RPL35A: variants seen among roughly 807,000 people sequenced by gnomAD.
RPL35A encodes ribosomal protein L35a, also known as large ribosomal subunit protein eL33.
A neutral mutation model predicts 16.7 loss-of-function variants in RPL35A; 1 was observed. The ratio of observed to expected loss-of-function variants is 0.06; its 90% CI spans 0.02 to 0.28. The LOEUF (loss-of-function observed/expected upper bound fraction) is 0.28, where lower values mean the gene tolerates loss of function less well. RPL35A is among the 10% of genes least tolerant of loss of function. The pLI is 1.00. For missense variants in RPL35A, 91 were observed against 138.7 expected (o/e 0.66, Z 1.73); for synonymous variants, 58 against 47.0 (o/e 1.23, Z -0.96).
intron 3 of RPL35A, chr3:197,951,607 C>T (rs996934894): frequency 1.0e-5 from 4 of 391,652 alleles, no homozygotes; most frequent in Non-Finnish European, 1.4e-5. Flanking sequence ...CCCACCTCGG[C>T]CTCCCAAAGT....
At chr3:197,954,543 T>G in intron 4 of RPL35A, 1 of 325,336 alleles carries the variant, frequency 3.1e-6, no homozygotes. Context: ...AAGGTCTCAC[T>G]TTGTCACGCA....
At chr3:197,953,358 A>C in intron 3 of RPL35A, 2 of 442,686 alleles carry the variant, frequency 4.5e-6, no homozygotes, top group South Asian at 3.2e-5. Flanking sequence ...CCTGGGTGAC[A>C]AGACAACCCC....
intron 3 of RPL35A, chr3:197,953,757 T>C: frequency 3.5e-6 from 2 of 576,506 alleles, no homozygotes; most frequent in Non-Finnish European, 6.2e-6. Flanking sequence ...CTATGTATTT[T>C]CCTTAAACTT....
intron 3 of RPL35A, among the ~76,000 whole-genome samples, chr3:197,952,234 A>G (rs1216832205): frequency 7.2e-6 from 1 of 139,296 alleles, no homozygotes; most frequent in Non-Finnish European, 1.5e-5. Context: ...CAGTAGCACA[A>G]TATCGGCTCA....
At chr3:197,953,500 C>T (rs1720288678) in intron 3 of RPL35A, 3 of 456,418 alleles carry the variant, frequency 6.6e-6, no homozygotes, top group South Asian at 4.7e-5. Context: ...GGGATTAACC[C>T]CTTGGTGTCT....
intron 2 of RPL35A, 39 bp from the exon 3 acceptor site, chr3:197,951,120 G>C: frequency 6.2e-7 from 1 of 1,613,692 alleles, no homozygotes; most frequent in Non-Finnish European, 8.5e-7. Context: ...TTGGTTTTTT[G>C]AAGCTTATGT....
chr3:197,954,075 A>C lies in RPL35A; in HGVS notation c.237A>C (p.Gly79=), dbSNP rs1348635519. 6.2e-7 allele frequency: 1 copy of C among 1,614,074 alleles called. No individual in the cohort carries two copies. Among genetic ancestry groups the C allele is most frequent in the Non-Finnish European group, 8.5e-7 (1 of 1,180,042 alleles). The part of the protein sequence containing the change: ...VIWGKVTRAH[G]NSGMVRAKFR... ...GGGGAAAAGTAACTCGGGCCCATGGAAACAGTGGCATGGTTCGTGCCAAAT... is the reference window on the plus strand; with the variant it reads ...GGGGAAAAGTAACTCGGGCCCATGGCAACAGTGGCATGGTTCGTGCCAAAT... The change falls in exon 4 of 5, where the codon GGA becomes GGC. Residue 79 remains glycine (G), a synonymous_variant. Coordinates refer to ENST00000647248, the MANE Select transcript of RPL35A (RefSeq NM_000996.4).
At position 197,951,143 on chromosome 3, in the gene RPL35A, A is replaced by G. The variant is rs764462965; in HGVS notation, c.12-16A>G. The G allele has an allele frequency of 6.2e-7, 1 of 1,613,986 alleles. No individual in the cohort carries two copies. Among genetic ancestry groups the G allele is most frequent in the South Asian group, 1.1e-5 (1 of 91,070 alleles). The stretch of plus-strand genomic sequence containing the variant: ...TTGAAGCTTATGTTTCATGTTGTGT[A>G]TCTTTTGTGTCTTAGGCTGTGGTCC... On this transcript the variant is annotated splice_polypyrimidine_tract_variant and intron_variant, in intron 2 of 4. Transcript: ENST00000647248.
chr3:197,955,258 CAT>C (rs910862649), intron 4 of RPL35A, among the ~76,000 whole-genome samples: 3 of 151,636 alleles, frequency 2.0e-5, no homozygotes, highest in Non-Finnish European at 2.9e-5. Context: ...ACCTTCAGTA[CAT>C]GTTTTTCTTT....
intron 4 of RPL35A, among the ~76,000 whole-genome samples, chr3:197,955,232 A>C (rs540491354): frequency 2.4e-4 from 36 of 152,118 alleles, no homozygotes; most frequent in Admixed American, 4.6e-4. Flanking sequence ...TCTTTAGAAG[A>C]AGCAAAATTA....
chr3:197,955,705 A>G, intron 4 of RPL35A, 45 bp from the exon 5 acceptor site: 2 of 1,489,570 alleles, frequency 1.3e-6, no homozygotes, highest in Non-Finnish European at 1.9e-6. Context: ...TTGTAGACGT[A>G]TATATAACAT....
chr3:197,950,755 C>T (rs1719998385), intron 1 of RPL35A, 181 bp from the exon 2 acceptor site: 3 of 618,630 alleles, frequency 4.8e-6, no homozygotes, highest in Non-Finnish European at 8.5e-6. Context: ...CAGCTGTTCT[C>T]TGAGGTTTGA....
intron 1 of RPL35A, 70 bp downstream of exon 1, chr3:197,950,291 G>A: frequency 8.1e-7 from 1 of 1,230,326 alleles, no homozygotes; most frequent in Non-Finnish European, 1.0e-6. Flanking sequence ...GTGCCTTGGC[G>A]AGTCGCCGGT....
At chr3:197,950,351 G>A (rs1719951695) in intron 1 of RPL35A, 130 bp downstream of exon 1, 1 of 1,222,380 alleles carries the variant, frequency 8.2e-7, no homozygotes, top group Admixed American at 4.2e-5. Context: ...TTCAAGAAGA[G>A]GGAGAACAGG....
At chr3:197,950,594 G>A (rs1001767946) in intron 1 of RPL35A, 13 of 377,312 alleles carry the variant, frequency 3.4e-5, no homozygotes, top group Non-Finnish European at 5.3e-5. Flanking sequence ...TTGCATAAAA[G>A]TCTTACGTGT....
At chr3:197,953,677 G>A (rs749164892) in intron 3 of RPL35A, 4 of 441,054 alleles carry the variant, frequency 9.1e-6, no homozygotes, top group South Asian at 1.8e-5. Context: ...CCTCCTTTCT[G>A]TACACACAAA....
intron 3 of RPL35A, among the ~76,000 whole-genome samples, chr3:197,952,810 A>T (rs1419957744): frequency 2.0e-5 from 3 of 150,440 alleles, no homozygotes; most frequent in Middle Eastern, 3.5e-3. Flanking sequence ...GTTTTTATGC[A>T]TGCCTAAAGA....
intron 3 of RPL35A, 150 bp downstream of exon 3, chr3:197,951,461 TC>T (rs771074210): frequency 8.5e-6 from 7 of 824,606 alleles, no homozygotes; most frequent in Admixed American, 2.0e-5. Flanking sequence ...CAAGCAAGTG[TC>T]CTGTCTCAGC....
At chr3:197,953,800 T>G in intron 3 of RPL35A, 1 of 623,260 alleles carries the variant, frequency 1.6e-6, no homozygotes, top group South Asian at 1.9e-5. Flanking sequence ...TTTTGTTTTA[T>G]AGCTGCTGTA....
Sources: allele counts gnomAD v4.1 joint callset (sites outside exome capture counted in the v4.1 genomes callset), GRCh38; gene constraint gnomAD v4.1.1; transcripts MANE v1.5; gene names NCBI Gene and HGNC (gene_info 2026-07-23, HGNC 2026-07-21).